Variants in EPM2A observed in about 807,000 individuals in gnomAD.
The protein encoded by EPM2A is EPM2A glucan phosphatase, laforin, also known as laforin.
A neutral mutation model predicts 26.5 loss-of-function variants in EPM2A; 21 were observed. That is an observed-to-expected ratio of 0.79 (90% confidence interval 0.56 to 1.14). The LOEUF (loss-of-function observed/expected upper bound fraction) is 1.14. EPM2A is among the 50% of genes most tolerant of loss of function. The pLI is 0.00. For synonymous variants in EPM2A, 217 were observed against 177.6 expected (o/e 1.22, Z -1.76); for missense variants, 458 against 440.8 (o/e 1.04, Z -0.35).
intron 2 of EPM2A, among the ~76,000 whole-genome samples, chr6:145,678,156 C>A (rs925943920): frequency 6.6e-5 from 10 of 152,150 alleles, no homozygotes; most frequent in African/African-American, 2.4e-4. Context: ...ATTGACAAAC[C>A]TGACAAAAGC....
chr6:145,486,765 G>A (rs1339032959), intron 4 of EPM2A, among the ~76,000 whole-genome samples: 5 of 152,064 alleles, frequency 3.3e-5, no homozygotes, highest in Non-Finnish European at 2.9e-5. Flanking sequence ...GCAAATGAAA[G>A]AATCCTCTCC....
intron 2 of EPM2A, among the ~76,000 whole-genome samples, chr6:145,506,078 T>C (rs1238166109): frequency 3.9e-5 from 6 of 152,162 alleles, no homozygotes; most frequent in South Asian, 2.1e-4. Context: ...TTACTTACAA[T>C]TGGTAATCTA....
At chr6:145,446,175 G>A (rs1308548995) in intron 4 of EPM2A, among the ~76,000 whole-genome samples, 1 of 152,126 alleles carries the variant, frequency 6.6e-6, no homozygotes, top group African/African-American at 2.4e-5. Context: ...ACATGTAACT[G>A]CAACCATATA....
At chr6:145,607,777 GAA>G (rs978444372) in intron 2 of EPM2A, among the ~76,000 whole-genome samples, 14 of 152,220 alleles carry the variant, frequency 9.2e-5, no homozygotes, top group Non-Finnish European at 2.1e-4. Flanking sequence ...AGAGGACATG[GAA>G]AAGAGATACG....
At chr6:145,617,169 G>A (rs1027216698) in intron 2 of EPM2A, among the ~76,000 whole-genome samples, 1 of 152,156 alleles carries the variant, frequency 6.6e-6, no homozygotes, top group Non-Finnish European at 1.5e-5. Context: ...GGTCTTTTCT[G>A]TGCTGTCTTC....
intron 2 of EPM2A, among the ~76,000 whole-genome samples, chr6:145,554,389 GATAA>G (rs1423462701): frequency 5.3e-5 from 8 of 151,394 alleles, no homozygotes; most frequent in African/African-American, 1.9e-4. Flanking sequence ...CAGATGGATG[GATAA>G]ATAGATAGAT....
Position 145,563,262 on chromosome 6 carries a change from T to C in EPM2A, c.341-60687A>G, listed in dbSNP as rs1780834059. On this transcript the variant is annotated intron_variant, in intron 2 of 3. Coordinates refer to the EPM2A transcript ENST00000450221. The stretch of plus-strand genomic sequence containing the variant: ...AGAGGAGTGGGACTTGAAGCTGTCC[T>C]TGGTTAAACATAAAAAAAAATGCAG... Among the ~76,000 whole-genome samples the C allele has an allele frequency of 2.6e-5, 4 of 151,838 alleles. No homozygotes were observed. In the South Asian group the frequency reaches 8.3e-4, roughly 32 times the overall value.
chr6:145,572,324 G>T (rs1188961522), intron 2 of EPM2A, among the ~76,000 whole-genome samples: 1 of 152,178 alleles, frequency 6.6e-6, no homozygotes, highest in African/African-American at 2.4e-5. Context: ...ATTGGTGCAG[G>T]CTGGGAGAGA....
intron 2 of EPM2A, among the ~76,000 whole-genome samples, chr6:145,663,391 A>AG (rs1235979222): frequency 6.6e-6 from 1 of 152,204 alleles, no homozygotes; most frequent in Non-Finnish European, 1.5e-5. Flanking sequence ...GGCACAGGCC[A>AG]GTGGGTGCAC....
At chr6:145,493,967 T>C (rs763489562) in intron 4 of EPM2A, among the ~76,000 whole-genome samples, 1 of 152,176 alleles carries the variant, frequency 6.6e-6, no homozygotes, top group Admixed American at 6.5e-5. Context: ...ATTTCTGCCA[T>C]GTTTTGGTAT....
intron 1 of EPM2A, among the ~76,000 whole-genome samples, chr6:145,693,167 T>C (rs535581909): frequency 2.6e-5 from 4 of 152,078 alleles, no homozygotes; most frequent in Non-Finnish European, 5.9e-5. Flanking sequence ...TTTATTCTAT[T>C]TGTGGCTATT....
intron 4 of EPM2A, among the ~76,000 whole-genome samples, chr6:145,494,283 AG>A (rs1779790969): frequency 6.6e-6 from 1 of 152,164 alleles, no homozygotes; most frequent in South Asian, 2.1e-4. Context: ...AGGTGTTTAT[AG>A]TAGTCTCTGG....
At chr6:145,669,711 G>C (rs1583015263) in intron 2 of EPM2A, among the ~76,000 whole-genome samples, 1 of 152,138 alleles carries the variant, frequency 6.6e-6, no homozygotes, top group African/African-American at 2.4e-5. Context: ...AAAAAGGCTA[G>C]CCAAGCTTGT....
At chr6:145,633,422 T>A (rs1480783343) in intron 3 of EPM2A, among the ~76,000 whole-genome samples, 2 of 152,226 alleles carry the variant, frequency 1.3e-5, no homozygotes, top group Non-Finnish European at 2.9e-5. Context: ...TTTCTTTTTT[T>A]CTTCCTTGAA....
chr6:145,691,255 C>A (rs1781263633), intron 1 of EPM2A, among the ~76,000 whole-genome samples: 1 of 151,512 alleles, frequency 6.6e-6, no homozygotes, highest in South Asian at 2.1e-4. Flanking sequence ...ATAAAAGTAG[C>A]CAGAGAAAAA....
At chr6:145,690,334 C>T (rs1781195319) in intron 1 of EPM2A, among the ~76,000 whole-genome samples, 1 of 151,630 alleles carries the variant, frequency 6.6e-6, no homozygotes, top group South Asian at 2.1e-4. Context: ...CAAGGTGAAA[C>T]CCCGTCTCTA....
chr6:145,651,777 T>A (rs1777899414), intron 2 of EPM2A, among the ~76,000 whole-genome samples: 1 of 152,122 alleles, frequency 6.6e-6, no homozygotes, highest in African/African-American at 2.4e-5. Context: ...ACACCCTCAA[T>A]AAGGATGCCC....
chr6:145,732,758 C>G (rs1267528415), intron 1 of EPM2A, among the ~76,000 whole-genome samples: 1 of 152,112 alleles, frequency 6.6e-6, no homozygotes, highest in East Asian at 1.9e-4. Context: ...ATTTTATTTC[C>G]TTGTTTACGA....
chr6:145,391,540 T>A (rs1778337134), intron 4 of EPM2A, among the ~76,000 whole-genome samples: 1 of 152,194 alleles, frequency 6.6e-6, no homozygotes, highest in South Asian at 2.1e-4. Context: ...TAAATAAATA[T>A]TCATGCTCCT....
Sources: gnomAD v4.1 joint callset for allele counts (sites outside exome capture counted in the v4.1 genomes callset) on GRCh38, gnomAD v4.1.1 for gene constraint, MANE v1.5 for transcripts, NCBI Gene and HGNC (gene_info 2026-07-23, HGNC 2026-07-21) for gene names.